SLC10A2: variants seen among roughly 807,000 people sequenced by gnomAD.
SLC10A2 encodes the protein solute carrier family 10 member 2.
Under a neutral mutation model 27.1 loss-of-function variants are expected in SLC10A2, and 34 were observed. The ratio of observed to expected loss-of-function variants is 1.26; its 90% CI spans 0.96 to 1.67. SLC10A2 has a LOEUF of 1.67. Among genes scored for constraint, SLC10A2 ranks in the 40% most tolerant of loss-of-function variants. The pLI is 0.00. For missense variants in SLC10A2, 530 were observed against 444.4 expected (o/e 1.19, Z -1.73); for synonymous variants, 205 against 174.0 (o/e 1.18, Z -1.40).
chr13:103,063,089 C>T (rs1876172147), intron 1 of SLC10A2, among the ~76,000 whole-genome samples: 1 of 152,212 alleles, frequency 6.6e-6, no homozygotes, highest in South Asian at 2.1e-4. Context: ...CATGGCACAG[C>T]TGCAACTTAG....
chr13:103,048,574 T>A (rs972213618), intron 5 of SLC10A2, among the ~76,000 whole-genome samples: 8 of 152,086 alleles, frequency 5.3e-5, no homozygotes, highest in Non-Finnish European at 1.2e-4. Flanking sequence ...AAAAACTAGC[T>A]TTTTTATTAA....
chr13:103,051,215 T>C (rs1350790927), intron 4 of SLC10A2, 42 bp downstream of exon 4: 3 of 1,596,950 alleles, frequency 1.9e-6, no homozygotes, highest in East Asian at 4.5e-5. Context: ...ACAACAGATA[T>C]TACAGATTAA....
intron 1 of SLC10A2, among the ~76,000 whole-genome samples, chr13:103,065,302 A>T (rs1429761352): frequency 6.6e-6 from 1 of 152,224 alleles, no homozygotes; most frequent in Non-Finnish European, 1.5e-5. Context: ...ATTTTAAAAA[A>T]GCTGCTATAG....
At position 103,066,048 on chromosome 13, in the gene SLC10A2, T is replaced by A; in HGVS notation, c.202A>T (p.Ile68Phe). The A allele has an allele frequency of 6.2e-7, 1 of 1,614,148 alleles. No homozygotes were observed. Among genetic ancestry groups the A allele is most frequent in the South Asian group, 1.1e-5 (1 of 91,084 alleles). The change falls in exon 1 of 6, where the codon ATT becomes TTT. Residue 68 changes from isoleucine (I) to phenylalanine (F), a missense_variant. Transcript: ENST00000245312. ...AACTGACAGAGGAAGCCAACACAAA[T>A]GCCCCACGGCCGCTTTATGTGCCCT... is the stretch of plus-strand genomic sequence containing the variant. The part of the protein sequence containing the change: ...FLGHIKRPWG[I>F]CVGFLCQFGI...
rs199970115 is a variant in SLC10A2, at chr13:103,051,409, G to A, written c.609C>T (p.Ile203=). ...ILKIGSIAGA[I]LIVLIAVVGG... is the part of the protein sequence containing the mutation. ...CAACCACAGCTATGAGCACAATGAG[G>A]ATGGCGCCCGCGATGGACCCAATCT... Residue 203 remains isoleucine (I), a synonymous_variant, in exon 4 of 6, where the codon ATC becomes ATT. Coordinates refer to ENST00000245312, the MANE Select transcript of SLC10A2 (RefSeq NM_000452.3). The A allele has an allele frequency of 6.2e-7, 1 of 1,613,976 alleles. No individual in the cohort carries two copies. The highest frequency in any genetic ancestry group is 8.5e-7 in the Non-Finnish European group (1 of 1,179,958).
intron 1 of SLC10A2, among the ~76,000 whole-genome samples, chr13:103,062,827 G>A (rs928396229): frequency 6.6e-6 from 1 of 152,174 alleles, no homozygotes; most frequent in Non-Finnish European, 1.5e-5. Flanking sequence ...GGGGGCAACT[G>A]GGAGAAGGAT....
chr13:103,060,568 G>T (rs460577), intron 1 of SLC10A2, among the ~76,000 whole-genome samples: 4,523 of 151,894 alleles, frequency 0.03, 261 homozygotes, highest in African/African-American at 0.1. Flanking sequence ...TAGAGATGGG[G>T]TTTCACCATG....
intron 5 of SLC10A2, 138 bp downstream of exon 5, chr13:103,049,151 T>A (rs1875693220): frequency 2.4e-6 from 2 of 839,950 alleles, no homozygotes; most frequent in African/African-American, 3.4e-5. Flanking sequence ...AAAGTCATGA[T>A]AATATGACGG....
chr13:103,066,061 C>T lies in SLC10A2; in HGVS notation c.189G>A (p.Lys63=). ...VEIKKFLGHI[K]RPWGICVGFL... is the part of the protein sequence containing the mutation. Reference sequence around the variant, plus strand: ...AGCCAACACAAATGCCCCACGGCCGCTTTATGTGCCCTAGAAATTTCTTGA... The same window carrying T: ...AGCCAACACAAATGCCCCACGGCCGTTTTATGTGCCCTAGAAATTTCTTGA... Residue 63 remains lysine, a synonymous_variant, in exon 1 of 6, where the codon AAG becomes AAA. Transcript: ENST00000245312. The T allele has an allele frequency of 1.2e-6, 2 of 1,614,198 alleles. No individual in the cohort carries two copies. The highest frequency in any genetic ancestry group is 1.7e-6 in the Non-Finnish European group (2 of 1,180,020).
intron 1 of SLC10A2, among the ~76,000 whole-genome samples, chr13:103,063,643 G>T (rs954185781): frequency 6.6e-6 from 1 of 152,174 alleles, no homozygotes; most frequent in Non-Finnish European, 1.5e-5. Flanking sequence ...TTGGAATATT[G>T]TTTTCCTAAC....
intron 2 of SLC10A2, among the ~76,000 whole-genome samples, chr13:103,055,609 C>A (rs1875915185): frequency 6.6e-6 from 1 of 152,116 alleles, no homozygotes; most frequent in Non-Finnish European, 1.5e-5. Context: ...GAGGCCTGGG[C>A]AAACATGGTG....
rs1250504177 is a variant in SLC10A2 at position 103,066,234 on chromosome 13, T to G, written c.16A>C (p.Ser6Arg). Reference sequence around the variant, plus strand: ...CAAACTGTTGCATTGTCCACACAGCTGTTCGGATCATTCATTGCTGGGTCT... The same window carrying G: ...CAAACTGTTGCATTGTCCACACAGCGGTTCGGATCATTCATTGCTGGGTCT... MNDPN[S>R]CVDNATVCSG... Residue 6 changes from serine to arginine, a missense_variant, in exon 1 of 6, where the codon AGC becomes CGC. Coordinates refer to ENST00000245312, the MANE Select transcript of SLC10A2 (RefSeq NM_000452.3). 1 of 1,605,882 alleles carries G rather than the reference T, an allele frequency of 6.2e-7. No individual in the cohort carries two copies. The highest frequency in any genetic ancestry group is 8.5e-7 in the Non-Finnish European group (1 of 1,173,638).
chr13:103,044,747 A>G lies in SLC10A2; in HGVS notation c.*1386T>C, dbSNP rs549151574. 6.6e-6 allele frequency: 1 copy of G among 152,328 alleles called. No individual in the cohort carries two copies. Among genetic ancestry groups the G allele is most frequent in the South Asian group, 2.1e-4 (1 of 4,828 alleles). 9.4% of individuals were successfully genotyped at this position (152,328 alleles called of 1,614,324 possible). A position where few individuals can be genotyped will look rare whatever the true frequency, so the allele number is the denominator to read the frequency against. On this transcript the variant is annotated 3_prime_UTR_variant, in exon 6 of 6. Coordinates refer to ENST00000245312, the MANE Select transcript of SLC10A2 (RefSeq NM_000452.3). ...ATAGACTCTATGAGGCAGTGAAAAT[A>G]CCCAATGCAAAATGGAACAAAACCA...
chr13:103,054,669 ATCCATGGCAGAATTGCTTTTCT>A (rs997594145), intron 2 of SLC10A2, among the ~76,000 whole-genome samples: 1 of 152,162 alleles, frequency 6.6e-6, no homozygotes, highest in Non-Finnish European at 1.5e-5. Context: ...ACCTGCTGAA[ATCCATGGCAGAATTGCTTTTCT>A]TTCCTGACCA....
intron 5 of SLC10A2, among the ~76,000 whole-genome samples, chr13:103,048,381 G>A (rs1194581993): frequency 6.7e-6 from 1 of 148,404 alleles, no homozygotes; most frequent in Non-Finnish European, 1.5e-5. Flanking sequence ...ACAGAGTGAG[G>A]GGCTGTCTCA....
intron 1 of SLC10A2, 140 bp from the exon 2 acceptor site, chr13:103,058,522 A>G: frequency 2.9e-6 from 2 of 679,044 alleles, no homozygotes; most frequent in South Asian, 1.6e-5. Flanking sequence ...AACTTGTGTC[A>G]TGGGGGTTTG....
Position 103,058,362 on chromosome 13 carries a change from G to A in SLC10A2, c.398C>T (p.Ser133Phe). 6.2e-7 allele frequency: 1 copy of A among 1,613,406 alleles called. No homozygotes were observed. Among genetic ancestry groups the A allele is most frequent in the South Asian group, 1.1e-5 (1 of 91,078 alleles). The change falls in exon 2 of 6, where the codon TCC becomes TTC. Residue 133 changes from serine to phenylalanine, a missense_variant. Ser to Phe is a radical substitution (Grantham distance 155). Transcript: ENST00000245312. The stretch of plus-strand genomic sequence containing the variant: ...CATCATTCCGAGGGCAAGCAGTGTG[G>A]AGCATGTGGTCATGCTGACGCTGAA... ...MDLSVSMTTCSTLLALGMMPL... is the reference protein window; with the variant it reads ...MDLSVSMTTCFTLLALGMMPL...
chr13:103,045,862 G>A lies in SLC10A2; in HGVS notation c.*271C>T, dbSNP rs916501570. 1.1e-5 allele frequency: 3 copies of A among 283,424 alleles called. No individual in the cohort carries two copies. Among genetic ancestry groups the A allele is most frequent in the African/African-American group, 2.2e-5 (1 of 45,436 alleles). The allele number at this position is 283,424 out of a possible 1,614,324, so 17.6% of individuals were successfully genotyped here. A position where few individuals can be genotyped will look rare whatever the true frequency, so the allele number is the denominator to read the frequency against. ...GTTCCCTATGTCAGGTTTAGTCTGA[G>A]AATATTTTGGGGGAATATTTCAATG... On this transcript the variant is annotated 3_prime_UTR_variant, in exon 6 of 6. Transcript: ENST00000245312.
chr13:103,059,075 C>G (rs980499175), intron 1 of SLC10A2, among the ~76,000 whole-genome samples: 4 of 152,234 alleles, frequency 2.6e-5, no homozygotes, highest in African/African-American at 9.6e-5. Flanking sequence ...CTCCCACCAA[C>G]AGAAGATAAG....
Sources: gnomAD v4.1 joint callset for allele counts (sites outside exome capture counted in the v4.1 genomes callset) on GRCh38, gnomAD v4.1.1 for gene constraint, MANE v1.5 for transcripts, NCBI Gene and HGNC (gene_info 2026-07-23, HGNC 2026-07-21) for gene names.